Variants in PLXNA4 observed in about 807,000 individuals in gnomAD.
The protein encoded by PLXNA4 is plexin A4, also known as plexin-A4.
PLXNA4 carries 44 observed loss-of-function variants against 191.8 expected under a neutral mutation model. That is an observed-to-expected ratio of 0.23 (90% CI 0.18 to 0.29). PLXNA4 has a LOEUF of 0.29. Among genes scored for constraint, PLXNA4 ranks in the 10% least tolerant of loss-of-function variants. PLXNA4 has a pLI of 1.00. For synonymous variants in PLXNA4, 1,082 were observed against 1,009.5 expected, an observed-to-expected ratio of 1.07 and a Z score of -1.36; for missense variants, 1,800 against 2,488.8, an observed-to-expected ratio of 0.72 and a Z score of 5.89.
intron 4 of PLXNA4, among the ~76,000 whole-genome samples, chr7:132,297,860 G>A (rs1801148556): frequency 6.6e-6 from 1 of 152,084 alleles, no homozygotes; most frequent in Admixed American, 6.5e-5. Flanking sequence ...GAAATTAGTG[G>A]ATTTGTTTTA....
intron 3 of PLXNA4, among the ~76,000 whole-genome samples, chr7:132,374,384 C>T (rs1804571147): frequency 6.6e-6 from 1 of 152,140 alleles, no homozygotes; most frequent in African/African-American, 2.4e-5. Flanking sequence ...GGCTGATCCA[C>T]CTTGCCTTAA....
chr7:132,465,052 G>C (rs978974447), intron 3 of PLXNA4, among the ~76,000 whole-genome samples: 1 of 152,212 alleles, frequency 6.6e-6, no homozygotes, highest in Non-Finnish European at 1.5e-5. Flanking sequence ...TGGGGAGGGT[G>C]AATGATGAGG....
intron 3 of PLXNA4, among the ~76,000 whole-genome samples, chr7:132,370,636 G>A (rs1437594608): frequency 1.3e-5 from 2 of 152,208 alleles, no homozygotes; most frequent in Non-Finnish European, 2.9e-5. Flanking sequence ...GTGTATGTGT[G>A]TGTGTGTTTC....
At chr7:132,396,649 G>T (rs1793776062) in intron 3 of PLXNA4, among the ~76,000 whole-genome samples, 1 of 152,124 alleles carries the variant, frequency 6.6e-6, no homozygotes, top group South Asian at 2.1e-4. Context: ...TGCAACCATG[G>T]CCGACTAATT....
At chr7:132,391,921 G>A (rs1405202972) in intron 3 of PLXNA4, among the ~76,000 whole-genome samples, 6 of 152,148 alleles carry the variant, frequency 3.9e-5, no homozygotes, top group African/African-American at 1.4e-4. Context: ...GAGGTCAGGA[G>A]TTTAAGACCA....
At chr7:132,534,622 A>T (rs1038583954) in intron 1 of PLXNA4, among the ~76,000 whole-genome samples, 2 of 152,224 alleles carry the variant, frequency 1.3e-5, no homozygotes, top group African/African-American at 4.8e-5. Flanking sequence ...AGCAAATAGG[A>T]TGGACACTGG....
At chr7:132,461,734 A>T (rs900894083) in intron 3 of PLXNA4, among the ~76,000 whole-genome samples, 1 of 152,250 alleles carries the variant, frequency 6.6e-6, no homozygotes, top group Admixed American at 6.5e-5. Flanking sequence ...CCCCTCCTGT[A>T]TTCATTGCTC....
chr7:132,427,386 C>A (rs542278489), intron 3 of PLXNA4, among the ~76,000 whole-genome samples: 13 of 152,232 alleles, frequency 8.5e-5, no homozygotes, highest in Admixed American at 2.6e-4. Flanking sequence ...CCCATCAGAG[C>A]CCCTCACACT....
At chr7:132,634,989 G>A (rs1030443016) in intron 2 of PLXNA4, among the ~76,000 whole-genome samples, 4 of 151,928 alleles carry the variant, frequency 2.6e-5, no homozygotes, top group South Asian at 2.1e-4. Flanking sequence ...GAGAAAAGAC[G>A]AGACTGGCCT....
At chr7:132,202,916 T>G in intron 11 of PLXNA4, 80 bp from the exon 12 acceptor site, 1 of 1,371,976 alleles carries the variant, frequency 7.3e-7, no homozygotes, top group Non-Finnish European at 9.7e-7. Context: ...AGACAAAGAG[T>G]GCAGTGCCAG....
At chr7:132,628,025 G>GCT (rs1026369178) in intron 2 of PLXNA4, among the ~76,000 whole-genome samples, 8 of 152,032 alleles carry the variant, frequency 5.3e-5, no homozygotes, top group African/African-American at 1.9e-4. Flanking sequence ...TCCTCCTGAG[G>GCT]CTCTCTCTCC....
At chr7:132,491,220 C>A (rs1322410557) in intron 2 of PLXNA4, among the ~76,000 whole-genome samples, 1 of 152,172 alleles carries the variant, frequency 6.6e-6, no homozygotes, top group South Asian at 2.1e-4. Context: ...TTGGACTTTG[C>A]AGAGAAAGGG....
chr7:132,303,856 A>G (rs1801409206), intron 3 of PLXNA4, among the ~76,000 whole-genome samples: 1 of 152,160 alleles, frequency 6.6e-6, no homozygotes, highest in Admixed American at 6.5e-5. Flanking sequence ...ATGCTATGGC[A>G]GAGGAGTGTT....
chr7:132,378,407 G>T (rs1230529035), intron 3 of PLXNA4, among the ~76,000 whole-genome samples: 2 of 152,146 alleles, frequency 1.3e-5, no homozygotes, highest in South Asian at 2.1e-4. Flanking sequence ...TTGAGTCATT[G>T]GTTGATGCCA....
At chr7:132,618,242 G>T (rs1803193243) in intron 2 of PLXNA4, among the ~76,000 whole-genome samples, 1 of 152,226 alleles carries the variant, frequency 6.6e-6, no homozygotes, top group Non-Finnish European at 1.5e-5. Context: ...GGCAAGCCAT[G>T]TGGCCTTCCT....
At chr7:132,188,136 C>G (rs1419810658) in intron 14 of PLXNA4, among the ~76,000 whole-genome samples, 2 of 152,100 alleles carry the variant, frequency 1.3e-5, no homozygotes, top group South Asian at 2.1e-4. Context: ...CAAAGAGCTG[C>G]CCAAAGCACC....
At chr7:132,202,532 T>C (rs1394851989) in intron 12 of PLXNA4, 114 bp downstream of exon 12, 1 of 1,131,434 alleles carries the variant, frequency 8.8e-7, no homozygotes, top group African/African-American at 1.6e-5. Flanking sequence ...AGCAACCAAG[T>C]CCACCCAGTG....
At chr7:132,564,570 T>C (rs75817170) in intron 1 of PLXNA4, among the ~76,000 whole-genome samples, 5,745 of 152,248 alleles carry the variant, frequency 0.038, 247 homozygotes, top group African/African-American at 0.1. Flanking sequence ...CACACTAAGC[T>C]GTGAACTCCC....
At chr7:132,359,391 A>G (rs1803843398) in intron 3 of PLXNA4, among the ~76,000 whole-genome samples, 1 of 151,548 alleles carries the variant, frequency 6.6e-6, no homozygotes, top group African/African-American at 2.4e-5. Context: ...GGATTTTTGT[A>G]TTTTTAGTAG....
Sources: allele counts gnomAD v4.1 joint callset (sites outside exome capture counted in the v4.1 genomes callset), GRCh38; gene constraint gnomAD v4.1.1; transcripts MANE v1.5; gene names NCBI Gene and HGNC (gene_info 2026-07-23, HGNC 2026-07-21).